Variants in MEI4 observed in about 807,000 individuals in gnomAD.
MEI4 encodes the protein meiosis-specific protein MEI4.
In MEI4, 27 loss-of-function variants were observed where a neutral mutation model predicts 31.4. The observed-to-expected ratio is 0.86, with a 90% CI of 0.63 to 1.19. The LOEUF (loss-of-function observed/expected upper bound fraction) is 1.19. Among genes scored for constraint, MEI4 ranks in the 50% most tolerant of loss-of-function variants. The pLI is 0.00. For missense variants in MEI4, 329 were observed against 398.9 expected, an observed-to-expected ratio of 0.82 and a Z score of 1.49; for synonymous variants, 122 against 145.4, an observed-to-expected ratio of 0.84 and a Z score of 1.16.
chr6:77,695,580 G>A (rs1766009445), intron 2 of MEI4, among the ~76,000 whole-genome samples: 1 of 152,138 alleles, frequency 6.6e-6, no homozygotes, highest in South Asian at 2.1e-4. Context: ...TTGTAGATAT[G>A]TGGCATTATT....
At chr6:77,793,323 G>A (rs1288081649) in intron 3 of MEI4, among the ~76,000 whole-genome samples, 1 of 152,202 alleles carries the variant, frequency 6.6e-6, no homozygotes, top group Non-Finnish European at 1.5e-5. Flanking sequence ...ATGAATGAGA[G>A]ATAAAGAGAG....
At chr6:77,880,234 GTTT>G (rs10547763) in intron 4 of MEI4, among the ~76,000 whole-genome samples, 8 of 140,896 alleles carry the variant, frequency 5.7e-5, no homozygotes, top group East Asian at 2.1e-4. Context: ...TTTTTTGTTT[GTTT>G]TTTTTTTTTT....
chr6:77,923,141 G>A lies in MEI4; in HGVS notation c.953G>A (p.Trp318Ter). ...SRYENIFYLF[W>*]VLEQLLQKET... is the part of the protein sequence containing the mutation. ...TATGAAAACATTTTCTACCTGTTCT[G>A]GGTTCTGGAGCAGCTTCTTCAAAAG... The change falls in exon 5 of 5, where the codon TGG (tryptophan) becomes TAG (stop). Residue 318 changes from tryptophan to a stop codon, truncating the protein, a stop_gained. Transcript: ENST00000684080. LOFTEE classifies it high-confidence loss of function. 1 of 1,230,482 alleles carries A rather than the reference G, an allele frequency of 8.1e-7. No individual in the cohort carries two copies. The highest frequency in any genetic ancestry group is 1.0e-6 in the Non-Finnish European group (1 of 986,836). The allele number at this position is 1,230,482 out of a possible 1,614,324, so 76.2% of individuals were successfully genotyped here.
chr6:77,841,969 G>T (rs1770376752), intron 4 of MEI4, among the ~76,000 whole-genome samples: 3 of 152,024 alleles, frequency 2.0e-5, no homozygotes, highest in Admixed American at 2.0e-4. Flanking sequence ...TTGTAGGGAG[G>T]ACTGGATAAA....
intron 4 of MEI4, among the ~76,000 whole-genome samples, chr6:77,879,180 A>G (rs1385385103): frequency 6.6e-6 from 1 of 152,122 alleles, no homozygotes; most frequent in Non-Finnish European, 1.5e-5. Context: ...TCATGTAAAT[A>G]TTATTTTCTC....
chr6:77,754,945 G>A (rs1246739951), intron 2 of MEI4, among the ~76,000 whole-genome samples: 1 of 152,162 alleles, frequency 6.6e-6, no homozygotes, highest in Non-Finnish European at 1.5e-5. Flanking sequence ...AGTTTGAGAT[G>A]AGATTTAAAT....
intron 4 of MEI4, among the ~76,000 whole-genome samples, chr6:77,842,677 C>A (rs780581894): frequency 2.0e-5 from 3 of 151,980 alleles, no homozygotes; most frequent in Non-Finnish European, 4.4e-5. Flanking sequence ...TATAAGCATT[C>A]TTTTCCCACA....
chr6:77,880,134 C>G (rs146633172), intron 4 of MEI4, among the ~76,000 whole-genome samples: 1 of 152,130 alleles, frequency 6.6e-6, no homozygotes, highest in East Asian at 1.9e-4. Context: ...TACACAGTTA[C>G]TCATTTAGTG....
intron 4 of MEI4, among the ~76,000 whole-genome samples, chr6:77,868,518 T>TATATAC (rs1470018494): frequency 1.5e-5 from 2 of 137,610 alleles, no homozygotes; most frequent in African/African-American, 5.2e-5. Context: ...TATATATATA[T>TATATAC]ATATATATAT....
At chr6:77,837,265 T>C (rs1431084508) in intron 4 of MEI4, among the ~76,000 whole-genome samples, 1 of 152,164 alleles carries the variant, frequency 6.6e-6, no homozygotes, top group Non-Finnish European at 1.5e-5. Context: ...CTAGTTAAAT[T>C]GTAGTGTGAC....
chr6:77,748,419 T>C (rs746457300), intron 2 of MEI4, among the ~76,000 whole-genome samples: 1 of 152,198 alleles, frequency 6.6e-6, no homozygotes, highest in Non-Finnish European at 1.5e-5. Context: ...ACTGAAGCAA[T>C]AGCCCAAGCT....
At chr6:77,778,725 A>AT (rs1768522239) in intron 3 of MEI4, among the ~76,000 whole-genome samples, 1 of 151,564 alleles carries the variant, frequency 6.6e-6, no homozygotes, top group Non-Finnish European at 1.5e-5. Context: ...AAATAAATAA[A>AT]TAAATAAATA....
chr6:77,711,131 G>T (rs1458977072), intron 2 of MEI4, among the ~76,000 whole-genome samples: 2 of 152,088 alleles, frequency 1.3e-5, no homozygotes, highest in African/African-American at 4.8e-5. Context: ...AAGAGTCAAA[G>T]GGTTTCAGTT....
chr6:77,753,192 G>A (rs1322857996), intron 2 of MEI4, among the ~76,000 whole-genome samples: 2 of 152,136 alleles, frequency 1.3e-5, no homozygotes, highest in Non-Finnish European at 2.9e-5. Flanking sequence ...ATAGGCATGG[G>A]CAAAGACTTC....
intron 4 of MEI4, among the ~76,000 whole-genome samples, chr6:77,831,421 G>A (rs1459238226): frequency 1.3e-5 from 2 of 151,478 alleles, no homozygotes; most frequent in Non-Finnish European, 3.0e-5. Flanking sequence ...AAAGAAAGGA[G>A]AGATACCGGC....
intron 3 of MEI4, among the ~76,000 whole-genome samples, chr6:77,822,229 G>A (rs1327452274): frequency 2.0e-5 from 3 of 152,054 alleles, no homozygotes; most frequent in African/African-American, 7.2e-5. Flanking sequence ...TGACATACTG[G>A]GGCTTCATCT....
At chr6:77,802,643 G>T (rs538577769) in intron 3 of MEI4, among the ~76,000 whole-genome samples, 31 of 152,236 alleles carry the variant, frequency 2.0e-4, no homozygotes, top group Admixed American at 3.9e-4. Flanking sequence ...GTTTCCTTCA[G>T]GAGCTCTTTT....
chr6:77,831,497 A>T (rs1770078763), intron 4 of MEI4, among the ~76,000 whole-genome samples: 1 of 150,418 alleles, frequency 6.6e-6, no homozygotes, highest in Non-Finnish European at 1.5e-5. Flanking sequence ...ATGAATGAAT[A>T]AAGATAATTT....
intron 3 of MEI4, among the ~76,000 whole-genome samples, chr6:77,801,811 G>C (rs995936477): frequency 8.5e-5 from 13 of 152,244 alleles, no homozygotes; most frequent in Non-Finnish European, 1.2e-4. Flanking sequence ...ATCCTGAGTT[G>C]TAGTTTGATT....
Sources: gnomAD v4.1 joint callset for allele counts (sites outside exome capture counted in the v4.1 genomes callset) on GRCh38, gnomAD v4.1.1 for gene constraint, MANE v1.5 for transcripts, NCBI Gene and HGNC (gene_info 2026-07-23, HGNC 2026-07-21) for gene names.